CDS1: variants seen among roughly 807,000 people sequenced by gnomAD.
CDS1 encodes the protein CDP-diacylglycerol synthase 1.
In CDS1, 41 loss-of-function variants were observed where a neutral mutation model predicts 62.1. The ratio of observed to expected loss-of-function variants is 0.66; its 90% CI spans 0.51 to 0.86. The LOEUF is 0.86. CDS1 is among the 40% of genes least tolerant of loss of function. The probability of loss-of-function intolerance (pLI) is 0.00; values close to 1 mark genes in which losing one functional copy is unlikely to be tolerated. For missense variants in CDS1, 470 were observed against 550.1 expected, an observed-to-expected ratio of 0.85 and a Z score of 1.46; for synonymous variants, 185 against 192.6, an observed-to-expected ratio of 0.96 and a Z score of 0.32.
intron 2 of CDS1, among the ~76,000 whole-genome samples, chr4:84,605,304 T>C (rs1041026565): frequency 3.9e-5 from 6 of 152,184 alleles, no homozygotes; most frequent in African/African-American, 1.4e-4. Context: ...ATTTCTTTTG[T>C]ATTTGATGCT....
chr4:84,613,110 TATG>T (rs1044857724), intron 3 of CDS1, among the ~76,000 whole-genome samples: 3 of 151,990 alleles, frequency 2.0e-5, no homozygotes, highest in Non-Finnish European at 4.4e-5. Context: ...ATTATGTTTT[TATG>T]ATATTTGTGT....
chr4:84,622,606 T>C (rs1723723906), intron 5 of CDS1, among the ~76,000 whole-genome samples: 1 of 151,952 alleles, frequency 6.6e-6, no homozygotes, highest in South Asian at 2.1e-4. Flanking sequence ...ATAATAATAA[T>C]AATAATAAAA....
At position 84,648,802 on chromosome 4, in the gene CDS1, A is replaced by G. The variant is rs1280934593; in HGVS notation, c.*116A>G. On this transcript the variant is annotated 3_prime_UTR_variant, in exon 13 of 13. Transcript: ENST00000295887. Reference sequence around the variant, plus strand: ...AATGCAATAGGTTGAAGTTTTGGAGATATGTTTCTCTCTGAAATTACTGTG... The same window carrying G: ...AATGCAATAGGTTGAAGTTTTGGAGGTATGTTTCTCTCTGAAATTACTGTG... 6 of 978,742 alleles carry G rather than the reference A, an allele frequency of 6.1e-6. No individual in the cohort carries two copies. Among genetic ancestry groups the G allele is most frequent in the Non-Finnish European group, 8.8e-6 (6 of 681,050 alleles). 60.6% of individuals were successfully genotyped at this position (978,742 alleles called of 1,614,324 possible). A position where few individuals can be genotyped will look rare whatever the true frequency, so the allele number is the denominator to read the frequency against.
rs907710132 is a variant in CDS1 at position 84,650,473 on chromosome 4, A to C, written c.*1787A>C. 6.6e-6 allele frequency: 1 copy of C among 152,242 alleles called. No individual in the cohort carries two copies. The highest frequency in any genetic ancestry group is 2.4e-5 in the African/African-American group (1 of 41,466). 9.4% of individuals were successfully genotyped at this position (152,242 alleles called of 1,614,324 possible). On this transcript the variant is annotated 3_prime_UTR_variant, in exon 13 of 13. Coordinates refer to ENST00000295887, the MANE Select transcript of CDS1 (RefSeq NM_001263.4). ...CAGCCTCAAATGTTGGTCATAAAAA[A>C]AATTTAGGCTACCAAAGTTTAAAGA...
Position 84,643,037 on chromosome 4 carries a change from T to G in CDS1, c.1046T>G (p.Leu349Trp), listed in dbSNP as rs933604046. Residue 349 changes from leucine (L) to tryptophan (W), a missense_variant, in exon 11 of 13, where the codon TTG becomes TGG. Around this residue, in one of 5 missense-constraint regions of CDS1, gnomAD observed 214 missense variants for 242.4 expected, o/e 0.88. Coordinates refer to ENST00000295887, the MANE Select transcript of CDS1 (RefSeq NM_001263.4). ...TCTCCTCTTTAGGAAAGAGTGAGCT[T>G]GTACCCTTTCCAGATCCACAGCATT... is the stretch of plus-strand genomic sequence containing the variant. The part of the protein sequence containing the change: ...KAVLRQERVS[L>W]YPFQIHSIAL... The G allele has an allele frequency of 6.2e-7, 1 of 1,608,844 alleles. No homozygotes were observed. The highest frequency in any genetic ancestry group is 2.2e-5 in the East Asian group (1 of 44,842).
chr4:84,624,952 C>G (rs896298065), intron 5 of CDS1, among the ~76,000 whole-genome samples: 1 of 152,028 alleles, frequency 6.6e-6, no homozygotes, highest in East Asian at 1.9e-4. Context: ...CCTCTGCCTC[C>G]TGGGTTCAGG....
At position 84,587,555 on chromosome 4, in the gene CDS1, G is replaced by A. The variant is rs527319930; in HGVS notation, c.117+4037G>A. On this transcript the variant is annotated intron_variant, in intron 1 of 12. Transcript: ENST00000295887. ...AAGTGGATGACCACAGATTCAGGTC[G>A]GCAGGGAAGTGGGCTGGTGAAGATC... is the stretch of plus-strand genomic sequence containing the variant. Among the ~76,000 whole-genome samples, 164 of 152,276 alleles carry A rather than the reference G, an allele frequency of 1.1e-3. 1 individual carries two copies. The highest frequency in any genetic ancestry group is 6.8e-3 in the Middle Eastern group (2 of 294).
At chr4:84,612,164 G>T (rs899765730) in intron 3 of CDS1, among the ~76,000 whole-genome samples, 1 of 151,674 alleles carries the variant, frequency 6.6e-6, no homozygotes, top group Non-Finnish European at 1.5e-5. Flanking sequence ...GCAGAAAAAG[G>T]TGCTTTTTCC....
At chr4:84,638,870 T>TATA in intron 8 of CDS1, 54 bp from the exon 9 acceptor site, 17 of 517,616 alleles carry the variant, frequency 3.3e-5, no homozygotes, top group Non-Finnish European at 4.7e-5. Context: ...TATATATATA[T>TATA]TGTGAGTTTT....
At chr4:84,647,562 A>G (rs1724592725) in intron 12 of CDS1, among the ~76,000 whole-genome samples, 1 of 152,098 alleles carries the variant, frequency 6.6e-6, no homozygotes, top group African/African-American at 2.4e-5. Flanking sequence ...GTTGGTCTCT[A>G]CTTGGGGTTT....
chr4:84,630,036 C>T (rs1026258054), intron 5 of CDS1, among the ~76,000 whole-genome samples: 1 of 152,056 alleles, frequency 6.6e-6, no homozygotes, highest in African/African-American at 2.4e-5. Context: ...CTGCTTTGCC[C>T]CTTACCCATT....
rs1402519196 is a variant in CDS1 at position 84,594,375 on chromosome 4, A to G, written c.118-9868A>G. Among the ~76,000 whole-genome samples, 8 of 152,258 alleles carry G rather than the reference A, an allele frequency of 5.3e-5. No individual in the cohort carries two copies. The East Asian group carries it at 1.5e-3, about 29-fold the overall frequency. ...TGTCTTGTTATGCGGATAGTCTCTC[A>G]GGTAATGAAAGTTGTCTCAGAGCAG... On this transcript the variant is annotated intron_variant, in intron 1 of 12. Transcript: ENST00000295887.
chr4:84,619,381 T>C lies in CDS1; in HGVS notation c.441-13T>C. 1.4e-6 allele frequency: 2 copies of C among 1,402,672 alleles called. No homozygotes were observed. The highest frequency in any genetic ancestry group is 1.9e-6 in the Non-Finnish European group (2 of 1,034,918). The allele number at this position is 1,402,672 out of a possible 1,614,324, so 86.9% of individuals were successfully genotyped here. A position where few individuals can be genotyped will look rare whatever the true frequency, so the allele number is the denominator to read the frequency against. On this transcript the variant is annotated splice_polypyrimidine_tract_variant and intron_variant, in intron 4 of 12. Transcript: ENST00000295887. ...CTTCAAATATAGAAAAGCTAATTGT[T>C]TTTAAATTATAGGTACTTTCTATTG...
At chr4:84,623,721 T>C (rs578025762) in intron 5 of CDS1, among the ~76,000 whole-genome samples, 1 of 152,314 alleles carries the variant, frequency 6.6e-6, no homozygotes, top group African/African-American at 2.4e-5. Flanking sequence ...TTATTTTTGC[T>C]CACAGTCCTG....
intron 1 of CDS1, among the ~76,000 whole-genome samples, chr4:84,600,517 T>G (rs1313094050): frequency 1.3e-5 from 2 of 152,208 alleles, no homozygotes; most frequent in Non-Finnish European, 1.5e-5. Context: ...TGGTGTGAGG[T>G]ATGGATCAAG....
intron 1 of CDS1, among the ~76,000 whole-genome samples, chr4:84,596,268 T>C (rs1418410407): frequency 6.6e-6 from 1 of 152,256 alleles, no homozygotes; most frequent in South Asian, 2.1e-4. Context: ...AACAAATCAC[T>C]AAAAACTTAG....
intron 1 of CDS1, among the ~76,000 whole-genome samples, chr4:84,593,486 GCAGTTA>G (rs1470179745): frequency 6.7e-6 from 1 of 149,254 alleles, no homozygotes; most frequent in African/African-American, 2.5e-5. Context: ...CTGATCAGCA[GCAGTTA>G]CAAGGTTTTT....
At chr4:84,634,400 AGAAGTTAATT>A (rs1352351078) in intron 7 of CDS1, among the ~76,000 whole-genome samples, 1 of 152,180 alleles carries the variant, frequency 6.6e-6, no homozygotes, top group Non-Finnish European at 1.5e-5. Context: ...TCCAGATTGT[AGAAGTTAATT>A]GCTCTATGGC....
At chr4:84,588,542 T>G (rs1416327635) in intron 1 of CDS1, among the ~76,000 whole-genome samples, 1 of 151,982 alleles carries the variant, frequency 6.6e-6, no homozygotes, top group African/African-American at 2.4e-5. Context: ...CCCTAAAAAT[T>G]TGGAGGCTAG....
Sources: gnomAD v4.1 joint callset for allele counts (sites outside exome capture counted in the v4.1 genomes callset) on GRCh38, gnomAD v4.1.1 for gene constraint, gnomAD v4.1.1 regional missense constraint, MANE v1.5 for transcripts, NCBI Gene and HGNC (gene_info 2026-07-23, HGNC 2026-07-21) for gene names.